Variants in IL1RAPL2 observed in about 807,000 individuals in gnomAD.
IL1RAPL2 encodes the protein interleukin 1 receptor accessory protein like 2, also known as X-linked interleukin-1 receptor accessory protein-like 2.
Under a neutral mutation model 44.1 loss-of-function variants are expected in IL1RAPL2, and 3 were observed. That is an observed-to-expected ratio of 0.07 (90% CI 0.03 to 0.18). The LOEUF is 0.18. IL1RAPL2 is among the 10% of genes least tolerant of loss of function. The pLI, the probability that IL1RAPL2 is intolerant of heterozygous loss-of-function variation, is 1.00. For missense variants in IL1RAPL2, 391 were observed against 496.4 expected (o/e 0.79, Z 2.02); for synonymous variants, 181 against 178.8 (o/e 1.01, Z -0.10).
intron 2 of IL1RAPL2, among the ~76,000 whole-genome samples, chrX:105,061,065 C>A (rs965626445): frequency 1.0e-4 from 11 of 110,108 alleles, no homozygotes; most frequent in African/African-American, 3.3e-4. Flanking sequence ...TTTATTATTT[C>A]TTTTCTTCTA....
At chrX:105,739,173 T>A (rs957931790) in intron 7 of IL1RAPL2, among the ~76,000 whole-genome samples, 3 of 111,147 alleles carry the variant, frequency 2.7e-5, no homozygotes, top group African/African-American at 9.8e-5. Flanking sequence ...CTCCTACAGA[T>A]TTTTTCCCTT....
intron 2 of IL1RAPL2, among the ~76,000 whole-genome samples, chrX:104,888,580 C>T (rs1165124686): frequency 9.0e-6 from 1 of 110,779 alleles, no homozygotes; most frequent in African/African-American, 3.3e-5. Context: ...AATCACCCCT[C>T]ACCTTCCACT....
intron 2 of IL1RAPL2, among the ~76,000 whole-genome samples, chrX:104,965,565 T>A (rs984774843): frequency 9.0e-6 from 1 of 111,336 alleles, no homozygotes; most frequent in African/African-American, 3.3e-5. Context: ...AAATTCACAA[T>A]CCAAAGTTAT....
chrX:105,581,648 CA>C (rs1249935788), intron 6 of IL1RAPL2, among the ~76,000 whole-genome samples: 1 of 110,986 alleles, frequency 9.0e-6, no homozygotes, highest in Admixed American at 9.7e-5. Context: ...AAATAAATTT[CA>C]AACTACATCT....
chrX:105,219,841 G>A, intron 3 of IL1RAPL2: 7 of 1,083,209 alleles, frequency 6.5e-6, no homozygotes, highest in Non-Finnish European at 8.7e-6. Context: ...CTACCAGGTG[G>A]GAAGGGCGGG....
chrX:104,668,330 TTTATTA>T (rs1471323087), intron 2 of IL1RAPL2, among the ~76,000 whole-genome samples: 1 of 109,391 alleles, frequency 9.1e-6, no homozygotes, highest in South Asian at 3.9e-4. Flanking sequence ...TTTTTATTTT[TTTATTA>T]TTATTATACT....
rs1569452461 is a variant in IL1RAPL2, at chrX:105,542,698, TATTTA to T, written c.772+58312_772+58316del. Among the ~76,000 whole-genome samples the T allele has an allele frequency of 6.4e-3, 554 of 87,067 alleles. 8 individuals carry two copies. Among genetic ancestry groups the T allele is most frequent in the African/African-American group, 0.02 (529 of 26,761 alleles). The allele number at this position is 87,067 out of a possible 115,157, so 75.6% of individuals were successfully genotyped here. On this transcript the variant is annotated intron_variant, in intron 6 of 10. Transcript: ENST00000372582. ...TTTTTTATTTTTTATATTTTTTATT[TATTTA>T]TTTATTTATTTATTTATTTATTTAT... is the stretch of plus-strand genomic sequence containing the variant.
intron 1 of IL1RAPL2, among the ~76,000 whole-genome samples, chrX:104,603,361 T>C (rs953924727): frequency 1.1e-4 from 12 of 111,318 alleles, no homozygotes; most frequent in African/African-American, 3.9e-4. Flanking sequence ...CAGTGCAAAA[T>C]GGCTGAAAAT....
chrX:105,755,151 C>T, intron 9 of IL1RAPL2, 26 bp from the exon 10 acceptor site: 2 of 1,100,020 alleles, frequency 1.8e-6, no homozygotes, highest in Non-Finnish European at 2.5e-6. Context: ...ATAGTTACAA[C>T]CCTTTTGTTG....
chrX:105,705,207 T>G (rs2038155539), intron 6 of IL1RAPL2, among the ~76,000 whole-genome samples: 1 of 110,469 alleles, frequency 9.1e-6, no homozygotes, highest in South Asian at 3.8e-4. Context: ...AGATGATAGA[T>G]GAATAGATAG....
chrX:105,640,670 A>ATATATG (rs2037558762), intron 6 of IL1RAPL2, among the ~76,000 whole-genome samples: 1 of 83,520 alleles, frequency 1.2e-5, no homozygotes, highest in East Asian at 3.3e-4. Flanking sequence ...ATATATATAT[A>ATATATG]TATATATATA....
chrX:105,496,459 T>C (rs1269110598), intron 6 of IL1RAPL2, among the ~76,000 whole-genome samples: 2 of 112,724 alleles, frequency 1.8e-5, no homozygotes, highest in Non-Finnish European at 3.7e-5. Context: ...ATGCTAACTT[T>C]ACATAAGATA....
chrX:105,049,221 A>C (rs1256787429), intron 2 of IL1RAPL2, among the ~76,000 whole-genome samples: 1 of 109,871 alleles, frequency 9.1e-6, no homozygotes. Flanking sequence ...AATATATAGC[A>C]AACCTGGTAA....
chrX:104,772,114 T>A (rs1227785746), intron 2 of IL1RAPL2, among the ~76,000 whole-genome samples: 1 of 111,330 alleles, frequency 9.0e-6, no homozygotes, highest in Non-Finnish European at 1.9e-5. Flanking sequence ...AAATACAGTT[T>A]CAAGTTTCAT....
chrX:104,973,896 T>C (rs774340995), intron 2 of IL1RAPL2, among the ~76,000 whole-genome samples: 4 of 112,153 alleles, frequency 3.6e-5, no homozygotes, highest in Non-Finnish European at 7.5e-5. Flanking sequence ...TATTCTTTCT[T>C]GCAAAAAATA....
intron 2 of IL1RAPL2, among the ~76,000 whole-genome samples, chrX:105,022,831 G>A (rs1307559135): frequency 9.0e-6 from 1 of 110,713 alleles, no homozygotes; most frequent in Non-Finnish European, 1.9e-5. Context: ...ATTTTCTCTT[G>A]TGGAGAATGG....
intron 2 of IL1RAPL2, among the ~76,000 whole-genome samples, chrX:104,731,777 C>A (rs1394998188): frequency 8.9e-6 from 1 of 111,817 alleles, no homozygotes; most frequent in African/African-American, 3.2e-5. Flanking sequence ...TTATGTTAAA[C>A]AGACTTGATT....
chrX:105,128,913 G>T (rs914770715), intron 2 of IL1RAPL2, among the ~76,000 whole-genome samples: 4 of 111,519 alleles, frequency 3.6e-5, no homozygotes, highest in Non-Finnish European at 7.6e-5. Flanking sequence ...AGAAGTTTTA[G>T]AGCTGTGAAT....
At chrX:104,898,107 A>G (rs1181072209) in intron 2 of IL1RAPL2, among the ~76,000 whole-genome samples, 3 of 112,077 alleles carry the variant, frequency 2.7e-5, no homozygotes, top group African/African-American at 6.5e-5. Context: ...AAATCCTGCA[A>G]GAGATAGGAG....
Sources: gnomAD v4.1 joint callset for allele counts (sites outside exome capture counted in the v4.1 genomes callset) on GRCh38, gnomAD v4.1.1 for gene constraint, MANE v1.5 for transcripts, NCBI Gene and HGNC (gene_info 2026-07-23, HGNC 2026-07-21) for gene names.